MSRB3: variants seen among roughly 807,000 people sequenced by gnomAD.
MSRB3 encodes methionine-R-sulfoxide reductase B3.
In MSRB3, 13 loss-of-function variants were observed where a neutral mutation model predicts 21.0. The ratio of observed to expected loss-of-function variants is 0.62; its 90% CI spans 0.40 to 0.98. The LOEUF is 0.98. Ranked by LOEUF, MSRB3 falls within the 50% of genes least tolerant of loss-of-function variation. MSRB3 has a pLI of 0.00. For synonymous variants in MSRB3, 87 were observed against 88.6 expected (o/e 0.98, Z 0.10); for missense variants, 199 against 230.3 (o/e 0.86, Z 0.88).
At chr12:65,392,874 G>C (rs535115476) in intron 5 of MSRB3, among the ~76,000 whole-genome samples, 1 of 152,044 alleles carries the variant, frequency 6.6e-6, no homozygotes, top group African/African-American at 2.4e-5. Context: ...TATTCAGTAA[G>C]GCTTGTTAAT....
intron 5 of MSRB3, among the ~76,000 whole-genome samples, chr12:65,415,799 A>T (rs1565881472): frequency 6.6e-6 from 1 of 152,190 alleles, no homozygotes; most frequent in Non-Finnish European, 1.5e-5. Context: ...GGAAGGGTTT[A>T]CCAGCCCCAT....
In MSRB3 at chr12:65,360,919, C is replaced by T. The variant is rs539913641; in HGVS notation, c.264-8079C>T. On this transcript the variant is annotated intron_variant, in intron 4 of 6. Transcript: ENST00000308259. Reference sequence around the variant, plus strand: ...TAATTAGGTCATTTGTGTTATTTTCCATTAGCCTTCCCTCTTAAACATTTC... The same window carrying T: ...TAATTAGGTCATTTGTGTTATTTTCTATTAGCCTTCCCTCTTAAACATTTC... Among the ~76,000 whole-genome samples the T allele has an allele frequency of 1.8e-3, 268 of 152,182 alleles. 1 individual carries two copies. The highest frequency in any genetic ancestry group is 6.2e-3 in the African/African-American group (259 of 41,526).
chr12:65,433,676 G>T (rs919462811), intron 5 of MSRB3, among the ~76,000 whole-genome samples: 1 of 151,880 alleles, frequency 6.6e-6, no homozygotes, highest in Non-Finnish European at 1.5e-5. Flanking sequence ...TTTCAGGACT[G>T]AGAAAATATT....
chr12:65,296,515 A>C (rs1243514465), intron 1 of MSRB3, among the ~76,000 whole-genome samples: 1 of 152,238 alleles, frequency 6.6e-6, no homozygotes, highest in East Asian at 1.9e-4. Flanking sequence ...AGAGATCCAC[A>C]GGAAGCTGAG....
chr12:65,423,267 T>C (rs1300059754), intron 5 of MSRB3, among the ~76,000 whole-genome samples: 1 of 152,162 alleles, frequency 6.6e-6, no homozygotes, highest in Non-Finnish European at 1.5e-5. Flanking sequence ...TGGTGGGTCT[T>C]CTATATATAG....
intron 3 of MSRB3, 26 bp from the exon 4 acceptor site, chr12:65,328,500 T>G (rs778800762): frequency 6.6e-7 from 1 of 1,517,332 alleles, no homozygotes; most frequent in Admixed American, 1.7e-5. Context: ...AACTTTAATT[T>G]TTTAAATGAT....
chr12:65,440,276 G>GC (rs1476534465), intron 5 of MSRB3, among the ~76,000 whole-genome samples: 1 of 151,490 alleles, frequency 6.6e-6, no homozygotes, highest in Admixed American at 6.6e-5. Context: ...AAGTCTGGTA[G>GC]CCCAGAAACC....
intron 5 of MSRB3, among the ~76,000 whole-genome samples, chr12:65,435,908 A>G (rs1172663425): frequency 6.6e-6 from 1 of 151,862 alleles, no homozygotes; most frequent in Non-Finnish European, 1.5e-5. Flanking sequence ...TTTTTCAATA[A>G]TAGATGTGGC....
chr12:65,385,866 T>C (rs1275338563), intron 5 of MSRB3, among the ~76,000 whole-genome samples: 1 of 152,066 alleles, frequency 6.6e-6, no homozygotes, highest in East Asian at 1.9e-4. Context: ...CTTCTAGGTA[T>C]ATGTTAAATA....
At chr12:65,385,313 G>A (rs867506752) in intron 5 of MSRB3, among the ~76,000 whole-genome samples, 1 of 152,146 alleles carries the variant, frequency 6.6e-6, no homozygotes. Context: ...TTTCTGCTTA[G>A]GGGAATCACT....
chr12:65,353,741 A>G (rs1592556716), intron 4 of MSRB3, among the ~76,000 whole-genome samples: 2 of 151,852 alleles, frequency 1.3e-5, no homozygotes, highest in African/African-American at 4.8e-5. Flanking sequence ...AGTTAATGTT[A>G]TTATGTGTGA....
chr12:65,341,684 A>C (rs1297343798), intron 4 of MSRB3, among the ~76,000 whole-genome samples: 1 of 151,968 alleles, frequency 6.6e-6, no homozygotes, highest in South Asian at 2.1e-4. Flanking sequence ...TATACCTACT[A>C]TATATCCACA....
At chr12:65,298,862 C>T (rs1873141428) in intron 1 of MSRB3, among the ~76,000 whole-genome samples, 3 of 152,236 alleles carry the variant, frequency 2.0e-5, no homozygotes, top group African/African-American at 7.2e-5. Context: ...ATTTAGCTCA[C>T]TAAAAATAGT....
intron 5 of MSRB3, among the ~76,000 whole-genome samples, chr12:65,389,172 C>T (rs1181924110): frequency 1.3e-5 from 2 of 152,086 alleles, no homozygotes; most frequent in African/African-American, 4.8e-5. Flanking sequence ...CTGTGGTGTT[C>T]CTCTCTCCTG....
chr12:65,463,282 G>C lies in MSRB3; in HGVS notation c.518G>C (p.Gly173Ala). The C allele has an allele frequency of 6.2e-7, 1 of 1,614,196 alleles. No homozygotes were observed. Among genetic ancestry groups the C allele is most frequent in the Non-Finnish European group, 8.5e-7 (1 of 1,180,052 alleles). Reference protein sequence around the residue: ...DSSGTAEGGSGVASPAQADKA... With the variant: ...DSSGTAEGGSAVASPAQADKA... ...AGTGGCACCGCCGAGGGAGGCAGTG[G>C]GGTCGCCAGCCCGGCCCAGGCAGAC... Residue 173 changes from glycine (G) to alanine (A), a missense_variant, in exon 7 of 7, where the codon GGG becomes GCG. By Grantham distance (60) the Gly-to-Ala change is moderately conservative (BLOSUM62 0). Transcript: ENST00000308259.
At chr12:65,356,556 G>A (rs1339710098) in intron 4 of MSRB3, among the ~76,000 whole-genome samples, 1 of 151,748 alleles carries the variant, frequency 6.6e-6, no homozygotes, top group Non-Finnish European at 1.5e-5. Context: ...ATTTTGGTGA[G>A]GGGACATATT....
intron 1 of MSRB3, among the ~76,000 whole-genome samples, chr12:65,287,763 G>A (rs910342633): frequency 6.6e-6 from 1 of 152,076 alleles, no homozygotes; most frequent in Non-Finnish European, 1.5e-5. Flanking sequence ...AGGGTTGAGG[G>A]CAGAGCATGT....
At chr12:65,419,457 G>T in intron 5 of MSRB3, 1 of 746,446 alleles carries the variant, frequency 1.3e-6, no homozygotes, top group South Asian at 1.4e-5. Context: ...TGTCATCAAT[G>T]ACCTTGCAGA....
At chr12:65,411,099 A>G (rs899739240) in intron 5 of MSRB3, among the ~76,000 whole-genome samples, 1 of 152,190 alleles carries the variant, frequency 6.6e-6, no homozygotes, top group African/African-American at 2.4e-5. Context: ...ATGTAAATAA[A>G]GCTCAGTAAA....
Sources: allele counts gnomAD v4.1 joint callset (sites outside exome capture counted in the v4.1 genomes callset), GRCh38; gene constraint gnomAD v4.1.1; transcripts MANE v1.5; gene names NCBI Gene and HGNC (gene_info 2026-07-23, HGNC 2026-07-21).